Variants in CCDC6 observed in about 807,000 individuals in gnomAD.
CCDC6 encodes the protein coiled-coil domain-containing protein 6.
CCDC6 carries 20 observed loss-of-function variants against 56.6 expected under a neutral mutation model. That is an observed-to-expected ratio of 0.35 (90% CI 0.25 to 0.51). The LOEUF (loss-of-function observed/expected upper bound fraction) is 0.51. CCDC6 is among the 20% of genes least tolerant of loss of function. CCDC6 has a pLI of 0.95. For missense variants in CCDC6, 367 were observed against 601.1 expected (o/e 0.61, Z 4.07); for synonymous variants, 241 against 234.4 (o/e 1.03, Z -0.26).
At chr10:59,865,682 T>C (rs2071170800) in intron 1 of CCDC6, among the ~76,000 whole-genome samples, 1 of 151,498 alleles carries the variant, frequency 6.6e-6, no homozygotes, top group South Asian at 2.1e-4. Flanking sequence ...TGAAACTCTG[T>C]CTCTACTAAA....
chr10:59,868,249 G>A (rs933888404), intron 1 of CCDC6, among the ~76,000 whole-genome samples: 6 of 152,126 alleles, frequency 3.9e-5, no homozygotes, highest in African/African-American at 1.4e-4. Context: ...GAGTTTTGGG[G>A]TAAATGAAGG....
At chr10:59,849,518 C>T (rs1336443640) in intron 2 of CCDC6, among the ~76,000 whole-genome samples, 1 of 152,206 alleles carries the variant, frequency 6.6e-6, no homozygotes, top group Non-Finnish European at 1.5e-5. Flanking sequence ...TCTTCTATAG[C>T]AAGTCTCATT....
At chr10:59,886,992 T>C (rs754012763) in intron 1 of CCDC6, among the ~76,000 whole-genome samples, 10 of 152,210 alleles carry the variant, frequency 6.6e-5, no homozygotes, top group Non-Finnish European at 1.5e-4. Flanking sequence ...GACAGTGTAG[T>C]ATGGGGCCAC....
chr10:59,797,683 T>TTGTGTGTGTGTGTGTGTATGTG (rs2070535077), intron 7 of CCDC6, among the ~76,000 whole-genome samples: 1 of 140,528 alleles, frequency 7.1e-6, no homozygotes, highest in Admixed American at 7.3e-5. Flanking sequence ...AGTGAGAGTG[T>TTGTGTGTGTGTGTGTGTATGTG]TGTGTGTGTG....
Position 59,791,737 on chromosome 10 carries a change from G to C in CCDC6, c.*1180C>G, listed in dbSNP as rs533609914. On this transcript the variant is annotated 3_prime_UTR_variant, in exon 9 of 9. Coordinates refer to ENST00000263102, the MANE Select transcript of CCDC6 (RefSeq NM_005436.5). ...TAAGATGTTGCACGTGTTAAGAAAAGAGTGACTCAGTGTTCCACTGCAAAG... is the reference window on the plus strand; with the variant it reads ...TAAGATGTTGCACGTGTTAAGAAAACAGTGACTCAGTGTTCCACTGCAAAG... The C allele has an allele frequency of 9.4e-6, 2 of 213,664 alleles. No homozygotes were observed. The highest frequency in any genetic ancestry group is 1.9e-5 in the Non-Finnish European group (2 of 105,362). 13.2% of individuals were successfully genotyped at this position (213,664 alleles called of 1,614,324 possible).
intron 1 of CCDC6, among the ~76,000 whole-genome samples, chr10:59,880,372 C>A (rs1034905388): frequency 6.6e-6 from 1 of 152,144 alleles, no homozygotes; most frequent in Non-Finnish European, 1.5e-5. Context: ...CAATCTCAGA[C>A]GGGAAGAGAC....
Position 59,906,298 on chromosome 10 carries a change from C to G in CCDC6, c.127G>C (p.Gly43Arg), listed in dbSNP as rs774934709. The G allele has an allele frequency of 6.2e-7, 1 of 1,603,892 alleles. No homozygotes were observed. Among genetic ancestry groups the G allele is most frequent in the South Asian group, 1.1e-5 (1 of 90,986 alleles). The change falls in exon 1 of 9, where the codon GGT becomes CGT. Residue 43 changes from glycine to arginine, a missense_variant. By Grantham distance (125) the Gly-to-Arg change is moderately radical (BLOSUM62 -2). Coordinates refer to ENST00000263102, the MANE Select transcript of CCDC6 (RefSeq NM_005436.5). ...GGGGGGGGGG[G>R]GKSGGIVISP... ...ATGACAATGCCCCCCGACTTCCCAC[C>G]GCCGCCGCCTCCCCCGCCGCCACCG...
At chr10:59,902,650 T>C (rs1421765118) in intron 1 of CCDC6, among the ~76,000 whole-genome samples, 2 of 152,120 alleles carry the variant, frequency 1.3e-5, no homozygotes, top group Non-Finnish European at 2.9e-5. Flanking sequence ...CCGCCTGCCT[T>C]GGCCTCCCCA....
intron 1 of CCDC6, among the ~76,000 whole-genome samples, chr10:59,902,993 T>C (rs2071515503): frequency 6.6e-6 from 1 of 152,192 alleles, no homozygotes; most frequent in African/African-American, 2.4e-5. Context: ...TATTTAACTC[T>C]GAACAGAAAA....
intron 3 of CCDC6, among the ~76,000 whole-genome samples, chr10:59,829,843 C>T (rs770839619): frequency 6.6e-5 from 10 of 152,090 alleles, no homozygotes; most frequent in Non-Finnish European, 1.2e-4. Flanking sequence ...TGCACAACTC[C>T]GAATACACTG....
chr10:59,846,885 G>A (rs1159966441), intron 2 of CCDC6, among the ~76,000 whole-genome samples: 1 of 152,192 alleles, frequency 6.6e-6, no homozygotes, highest in Non-Finnish European at 1.5e-5. Context: ...AACAAGCTGA[G>A]TGTGCTCCCA....
At chr10:59,857,243 C>T (rs1356619364) in intron 1 of CCDC6, among the ~76,000 whole-genome samples, 1 of 152,090 alleles carries the variant, frequency 6.6e-6, no homozygotes, top group Admixed American at 6.6e-5. Flanking sequence ...AAAAAAATTA[C>T]AGAAAATATT....
At chr10:59,899,026 A>C (rs1228485146) in intron 1 of CCDC6, among the ~76,000 whole-genome samples, 2 of 152,308 alleles carry the variant, frequency 1.3e-5, no homozygotes, top group African/African-American at 2.4e-5. Flanking sequence ...TGACCTTTGC[A>C]ATTTACTGGT....
chr10:59,881,925 A>T (rs1589060206), intron 1 of CCDC6, among the ~76,000 whole-genome samples: 2 of 152,174 alleles, frequency 1.3e-5, no homozygotes, highest in African/African-American at 4.8e-5. Context: ...GTGCTCTTGT[A>T]TCCAAAACCT....
chr10:59,906,505 C>A lies in CCDC6; in HGVS notation c.-81G>T. On this transcript the variant is annotated 5_prime_UTR_variant, in exon 1 of 9. Transcript: ENST00000263102. ...GGCCGGGCTGCGAATGAGTGGGCGC[C>A]GGGCGAGCACAGGGGAGCGCCGAGC... is the stretch of plus-strand genomic sequence containing the variant. 8.0e-7 allele frequency: 1 copy of A among 1,254,112 alleles called. No individual in the cohort carries two copies. Among genetic ancestry groups the A allele is most frequent in the South Asian group, 1.7e-5 (1 of 60,464 alleles). 77.7% of individuals were successfully genotyped at this position (1,254,112 alleles called of 1,614,324 possible).
At chr10:59,874,436 A>G (rs1340501601) in intron 1 of CCDC6, among the ~76,000 whole-genome samples, 4 of 152,216 alleles carry the variant, frequency 2.6e-5, no homozygotes, top group African/African-American at 9.6e-5. Context: ...ACAGAGATCA[A>G]TATACAAAGA....
At chr10:59,860,126 A>G (rs940350830) in intron 1 of CCDC6, among the ~76,000 whole-genome samples, 3 of 152,198 alleles carry the variant, frequency 2.0e-5, no homozygotes, top group African/African-American at 7.2e-5. Flanking sequence ...TGGGTGGAAC[A>G]GTAAACCCTC....
chr10:59,897,126 T>C (rs2071469585), intron 1 of CCDC6, among the ~76,000 whole-genome samples: 1 of 152,190 alleles, frequency 6.6e-6, no homozygotes, highest in East Asian at 1.9e-4. Flanking sequence ...CTAAATGAAG[T>C]GAAGACACGA....
chr10:59,836,486 C>A (rs2070883908), intron 2 of CCDC6, among the ~76,000 whole-genome samples: 1 of 152,180 alleles, frequency 6.6e-6, no homozygotes, highest in African/African-American at 2.4e-5. Context: ...TGTACTGTTA[C>A]ATGAACAATT....
Sources: allele counts gnomAD v4.1 joint callset (sites outside exome capture counted in the v4.1 genomes callset), GRCh38; gene constraint gnomAD v4.1.1; transcripts MANE v1.5; gene names NCBI Gene and HGNC (gene_info 2026-07-23, HGNC 2026-07-21).